SMARCAD1: variants seen among roughly 807,000 people sequenced by gnomAD.
SMARCAD1 encodes the protein SWI/SNF-related matrix-associated actin-dependent regulator of chromatin subfamily A containing DEAD/H box 1.
Under a neutral mutation model 127.1 loss-of-function variants are expected in SMARCAD1, and 25 were observed. The ratio of observed to expected loss-of-function variants is 0.20; its 90% CI spans 0.14 to 0.27. SMARCAD1 has a LOEUF of 0.27. Among genes scored for constraint, SMARCAD1 ranks in the 10% least tolerant of loss-of-function variants. SMARCAD1 has a pLI of 1.00. For synonymous variants in SMARCAD1, 400 were observed against 396.9 expected, an observed-to-expected ratio of 1.01 and a Z score of -0.09; for missense variants, 807 against 1,206.0, an observed-to-expected ratio of 0.67 and a Z score of 4.90.
At chr4:94,229,661 C>T (rs1182194384) in intron 3 of SMARCAD1, among the ~76,000 whole-genome samples, 1 of 152,054 alleles carries the variant, frequency 6.6e-6, no homozygotes, top group Non-Finnish European at 1.5e-5. Flanking sequence ...AATATAGAAA[C>T]TTCTTCTGTG....
intron 21 of SMARCAD1, among the ~76,000 whole-genome samples, chr4:94,282,775 C>T (rs780503560): frequency 1.3e-5 from 2 of 151,784 alleles, no homozygotes; most frequent in Non-Finnish European, 2.9e-5. Flanking sequence ...GAAATGTTGT[C>T]TGCCAGTAGG....
At chr4:94,231,310 GTAGA>G (rs1745810901) in intron 3 of SMARCAD1, among the ~76,000 whole-genome samples, 1 of 152,178 alleles carries the variant, frequency 6.6e-6, no homozygotes. Flanking sequence ...GAGAAACATA[GTAGA>G]TAGTTAGAGC....
chr4:94,281,113 G>A (rs374339586), intron 20 of SMARCAD1, among the ~76,000 whole-genome samples: 6 of 152,160 alleles, frequency 3.9e-5, no homozygotes, highest in Non-Finnish European at 7.4e-5. Context: ...TAATGCTGCC[G>A]TTTATGTGTG....
chr4:94,247,059 A>C lies in SMARCAD1; in HGVS notation c.706-2595A>C, dbSNP rs557552914. 5.3e-5 allele frequency among the ~76,000 whole-genome samples: 8 copies of C among 152,300 alleles called. No individual in the cohort carries two copies. The East Asian group carries it at 1.5e-3, about 29-fold the overall frequency. Reference sequence around the variant, plus strand: ...TGTATAGGTCAAGGAGGCATCTTACATTGGGATGGGATGGTGGTGTCAATA... The same window carrying C: ...TGTATAGGTCAAGGAGGCATCTTACCTTGGGATGGGATGGTGGTGTCAATA... On this transcript the variant is annotated intron_variant, in intron 6 of 23. Transcript: ENST00000354268.
chr4:94,264,131 C>T (rs911535391), intron 9 of SMARCAD1, among the ~76,000 whole-genome samples: 12 of 151,700 alleles, frequency 7.9e-5, no homozygotes, highest in African/African-American at 2.4e-4. Flanking sequence ...GATATCTCTC[C>T]GTGTGATAGT....
At chr4:94,245,307 AAGTC>A (rs1361686084) in intron 6 of SMARCAD1, among the ~76,000 whole-genome samples, 2 of 152,202 alleles carry the variant, frequency 1.3e-5, no homozygotes, top group Non-Finnish European at 2.9e-5. Context: ...GTGATAATGA[AAGTC>A]AGAAGTCTGT....
intron 8 of SMARCAD1, among the ~76,000 whole-genome samples, chr4:94,251,744 A>G (rs1034208368): frequency 6.6e-6 from 1 of 152,232 alleles, no homozygotes; most frequent in African/African-American, 2.4e-5. Context: ...ACTGGTACAT[A>G]AAATAATGGT....
At chr4:94,249,495 T>G (rs1748945617) in intron 6 of SMARCAD1, among the ~76,000 whole-genome samples, 159 bp from the exon 7 acceptor site, 2 of 152,030 alleles carry the variant, frequency 1.3e-5, no homozygotes, top group Non-Finnish European at 2.9e-5. Context: ...CTTAAAGACA[T>G]AAATATGTCA....
chr4:94,241,294 C>T (rs1371601992), intron 6 of SMARCAD1, among the ~76,000 whole-genome samples: 1 of 152,092 alleles, frequency 6.6e-6, no homozygotes, highest in East Asian at 1.9e-4. Flanking sequence ...ATAATTTGTG[C>T]TTGCATATAA....
chr4:94,262,872 G>GT (rs965039586), intron 9 of SMARCAD1, among the ~76,000 whole-genome samples: 1 of 129,678 alleles, frequency 7.7e-6, no homozygotes, highest in African/African-American at 3.0e-5. Flanking sequence ...TAATTCAACA[G>GT]TTACAGTAAT....
chr4:94,246,542 C>T (rs1209844091), intron 6 of SMARCAD1, among the ~76,000 whole-genome samples: 4 of 152,168 alleles, frequency 2.6e-5, no homozygotes, highest in South Asian at 2.1e-4. Context: ...CAGATAGGTG[C>T]GGCCTTTCTT....
intron 10 of SMARCAD1, among the ~76,000 whole-genome samples, chr4:94,266,472 A>G (rs1433023361): frequency 6.6e-6 from 1 of 152,104 alleles, no homozygotes; most frequent in East Asian, 1.9e-4. Context: ...ATCTTATCCA[A>G]AGTACAACTT....
At chr4:94,226,344 C>A in intron 3 of SMARCAD1, 48 bp downstream of exon 3, 1 of 1,518,162 alleles carries the variant, frequency 6.6e-7, no homozygotes, top group African/African-American at 1.4e-5. Flanking sequence ...GTGAGATTTT[C>A]CAAGAAAAAA....
At position 94,284,652 on chromosome 4, in the gene SMARCAD1, C is replaced by T. The variant is rs536408161; in HGVS notation, c.2910-308C>T. Among the ~76,000 whole-genome samples, 43 of 149,734 alleles carry T rather than the reference C, an allele frequency of 2.9e-4. No individual in the cohort carries two copies. The South Asian group carries it at 7.8e-3, about 27-fold the overall frequency. On this transcript the variant is annotated intron_variant, in intron 22 of 23. Transcript: ENST00000354268. ...GTTGGCCAGGCTGATCGGCTGATCTCGAACTGCTGGCCTCAAGCAATCCAC... is the reference window on the plus strand; with the variant it reads ...GTTGGCCAGGCTGATCGGCTGATCTTGAACTGCTGGCCTCAAGCAATCCAC...
In SMARCAD1 at chr4:94,229,434, A is replaced by G. The variant is rs1352227942; in HGVS notation, c.368+3138A>G. Among the ~76,000 whole-genome samples, 7 of 152,238 alleles carry G rather than the reference A, an allele frequency of 4.6e-5. No individual in the cohort carries two copies. The East Asian group carries it at 1.2e-3, about 25-fold the overall frequency. ...GTACTTATTCAGTGGTTTATAATTT[A>G]GTACTATTATTATTCATTTTGGTGC... On this transcript the variant is annotated intron_variant, in intron 3 of 23. Transcript: ENST00000354268.
In SMARCAD1 at chr4:94,289,499, A is replaced by G; in HGVS notation, c.3046A>G (p.Ile1016Val). 1.2e-6 allele frequency: 2 copies of G among 1,613,478 alleles called. No individual in the cohort carries two copies. The highest frequency in any genetic ancestry group is 1.1e-5 in the South Asian group (1 of 91,072). The change falls in exon 24 of 24, where the codon ATA becomes GTA. Residue 1016 changes from isoleucine (I) to valine (V), a missense_variant. Transcript: ENST00000354268. The stretch of plus-strand genomic sequence containing the variant: ...TGATGAAGGGAGTATGCCAGCAGAT[A>G]TAGCCACATTACTAAAAACATCAAT... ...EGDEGSMPAD[I>V]ATLLKTSMGL
intron 9 of SMARCAD1, among the ~76,000 whole-genome samples, chr4:94,260,293 A>G (rs1430673924): frequency 6.6e-6 from 1 of 152,202 alleles, no homozygotes; most frequent in Non-Finnish European, 1.5e-5. Flanking sequence ...TGTTGATGCT[A>G]CATGTCTGGA....
chr4:94,287,543 C>T (rs1039733372), intron 23 of SMARCAD1, among the ~76,000 whole-genome samples: 1 of 152,136 alleles, frequency 6.6e-6, no homozygotes, highest in Admixed American at 6.5e-5. Flanking sequence ...GCAGGAGCAG[C>T]ATCTCCTAAG....
At chr4:94,252,283 C>A (rs903005473) in intron 8 of SMARCAD1, among the ~76,000 whole-genome samples, 1 of 152,172 alleles carries the variant, frequency 6.6e-6, no homozygotes, top group East Asian at 1.9e-4. Context: ...CTGCTATATT[C>A]TTCAGTGTTG....
Sources: allele counts gnomAD v4.1 joint callset (sites outside exome capture counted in the v4.1 genomes callset), GRCh38; gene constraint gnomAD v4.1.1; transcripts MANE v1.5; gene names NCBI Gene and HGNC (gene_info 2026-07-23, HGNC 2026-07-21).